Variants in LDHAL6A observed in about 807,000 individuals in gnomAD.
LDHAL6A encodes L-lactate dehydrogenase A-like 6A.
LDHAL6A carries 19 observed loss-of-function variants against 28.2 expected under a neutral mutation model. The ratio of observed to expected loss-of-function variants is 0.67; its 90% CI spans 0.47 to 0.99. The LOEUF is 0.99. Ranked by LOEUF, LDHAL6A falls within the 50% of genes least tolerant of loss-of-function variation. The pLI is 0.00. For missense variants in LDHAL6A, 372 were observed against 398.6 expected (o/e 0.93, Z 0.57); for synonymous variants, 144 against 134.4 (o/e 1.07, Z -0.49).
chr11:18,476,039 G>A (rs1436378440), intron 4 of LDHAL6A, among the ~76,000 whole-genome samples: 1 of 151,736 alleles, frequency 6.6e-6, no homozygotes, highest in African/African-American at 2.4e-5. Flanking sequence ...TGTGGTAATA[G>A]CAGTCTTTTT....
intron 5 of LDHAL6A, among the ~76,000 whole-genome samples, chr11:18,476,933 A>T (rs1459434699): frequency 6.6e-6 from 1 of 151,394 alleles, no homozygotes; most frequent in East Asian, 2.0e-4. Flanking sequence ...TGAGCCCAGG[A>T]GTATGACACC....
intron 3 of LDHAL6A, among the ~76,000 whole-genome samples, chr11:18,467,289 A>C (rs1383844456): frequency 1.3e-5 from 2 of 152,230 alleles, no homozygotes; most frequent in African/African-American, 4.8e-5. Flanking sequence ...ACATGGCTCC[A>C]ACATCAATTC....
At chr11:18,470,388 C>T (rs1849228873) in intron 3 of LDHAL6A, among the ~76,000 whole-genome samples, 1 of 152,110 alleles carries the variant, frequency 6.6e-6, no homozygotes. Context: ...TTTGGTGGTT[C>T]TGTAGTAAAG....
intron 6 of LDHAL6A, 109 bp downstream of exon 6, chr11:18,477,852 T>C: frequency 2.1e-6 from 2 of 973,362 alleles, no homozygotes; most frequent in Non-Finnish European, 3.0e-6. Flanking sequence ...AGCACCTCTC[T>C]TCCTGAAGTC....
chr11:18,463,947 A>G lies in LDHAL6A; in HGVS notation c.127-14A>G. The G allele has an allele frequency of 6.4e-7, 1 of 1,562,924 alleles. No individual in the cohort carries two copies. The highest frequency in any genetic ancestry group is 1.1e-5 in the South Asian group (1 of 89,784). ...AGATACACTCACACCCATTGGACTA[A>G]CAATGTTTTTCAGGGTTTGAGTGAT... On this transcript the variant is annotated splice_polypyrimidine_tract_variant and intron_variant, in intron 1 of 6. Coordinates refer to ENST00000280706, the MANE Select transcript of LDHAL6A (RefSeq NM_144972.5).
At chr11:18,466,202 A>T (rs1260585470) in intron 3 of LDHAL6A, among the ~76,000 whole-genome samples, 2 of 152,070 alleles carry the variant, frequency 1.3e-5, no homozygotes, top group Non-Finnish European at 2.9e-5. Flanking sequence ...TCAGTGAAGG[A>T]GTTTTTGGGG....
At chr11:18,467,156 A>G (rs1849094825) in intron 3 of LDHAL6A, among the ~76,000 whole-genome samples, 1 of 152,236 alleles carries the variant, frequency 6.6e-6, no homozygotes, top group African/African-American at 2.4e-5. Flanking sequence ...ACTGTATTCT[A>G]AAATTATTTG....
chr11:18,466,826 G>C (rs1281129723), intron 3 of LDHAL6A, among the ~76,000 whole-genome samples: 1 of 152,158 alleles, frequency 6.6e-6, no homozygotes, highest in Non-Finnish European at 1.5e-5. Context: ...CTCCTCACTG[G>C]TGCATTTACA....
chr11:18,459,323 C>T (rs970112191), intron 1 of LDHAL6A, among the ~76,000 whole-genome samples: 16 of 152,144 alleles, frequency 1.1e-4, no homozygotes, highest in African/African-American at 3.9e-4. Flanking sequence ...TGGATGCTTC[C>T]TGCCCTCAAA....
chr11:18,463,128 ATGTT>A (rs747709154), intron 1 of LDHAL6A, among the ~76,000 whole-genome samples: 2 of 152,096 alleles, frequency 1.3e-5, no homozygotes, highest in Admixed American at 6.6e-5. Context: ...TGTGGTTTGA[ATGTT>A]TGTCCCCTCT....
chr11:18,463,896 T>A, intron 1 of LDHAL6A, 65 bp from the exon 2 acceptor site: 1 of 990,954 alleles, frequency 1.0e-6, no homozygotes, highest in Non-Finnish European at 1.6e-6. Flanking sequence ...ATATAAGAAT[T>A]TTCTTTCATT....
intron 3 of LDHAL6A, among the ~76,000 whole-genome samples, chr11:18,467,716 G>A (rs1483312686): frequency 6.6e-6 from 1 of 150,578 alleles, no homozygotes; most frequent in East Asian, 1.9e-4. Flanking sequence ...AAATTAGCTG[G>A]GCATGGTGGT....
At chr11:18,462,193 A>C (rs1374684912) in intron 1 of LDHAL6A, among the ~76,000 whole-genome samples, 1 of 151,968 alleles carries the variant, frequency 6.6e-6, no homozygotes, top group Non-Finnish European at 1.5e-5. Context: ...AGTAAAAGTA[A>C]AATTCAGAAA....
At chr11:18,467,336 G>A (rs890349013) in intron 3 of LDHAL6A, among the ~76,000 whole-genome samples, 1 of 152,152 alleles carries the variant, frequency 6.6e-6, no homozygotes, top group Non-Finnish European at 1.5e-5. Context: ...TCCAGCTTCT[G>A]TCCCTGTGCC....
intron 3 of LDHAL6A, chr11:18,468,336 T>G (rs1189738716): frequency 9.0e-6 from 1 of 110,520 alleles, no homozygotes. Flanking sequence ...GATGTATAGG[T>G]TTTTTTTTTT....
At chr11:18,466,211 G>C (rs897526749) in intron 3 of LDHAL6A, among the ~76,000 whole-genome samples, 2 of 152,048 alleles carry the variant, frequency 1.3e-5, no homozygotes, top group East Asian at 1.9e-4. Context: ...GAGTTTTTGG[G>C]GGTGGGTTTA....
intron 2 of LDHAL6A, among the ~76,000 whole-genome samples, chr11:18,464,977 G>GTTTTTTTGTTTTTTTTTTTTT (rs1565068683): frequency 1.6e-4 from 20 of 125,558 alleles, no homozygotes; most frequent in Admixed American, 7.5e-4. Context: ...TGTTTTTTTT[G>GTTTTTTTGTTTTTTTTTTTTT]TTTTTTTTTG....
Position 18,479,023 on chromosome 11 carries a change from C to CT in LDHAL6A, c.*159dup, listed in dbSNP as rs1298505715. 4 of 578,132 alleles carry CT rather than the reference C, an allele frequency of 6.9e-6. No homozygotes were observed. Among genetic ancestry groups the CT allele is most frequent in the Admixed American group, 3.5e-5 (1 of 28,618 alleles). The allele number at this position is 578,132 out of a possible 1,614,324, so 35.8% of individuals were successfully genotyped here. ...ATAGCCTTCCAGCTTTTTTTTTTTT[C>CT]TTTTTTGGGAGGGTCTCATTCTGTC... On this transcript the variant is annotated 3_prime_UTR_variant, in exon 7 of 7. Transcript: ENST00000280706.
chr11:18,478,856 G>A lies in LDHAL6A; in HGVS notation c.985G>A (p.Glu329Lys). The A allele has an allele frequency of 6.2e-7, 1 of 1,611,624 alleles. No individual in the cohort carries two copies. Among genetic ancestry groups the A allele is most frequent in the Non-Finnish European group, 8.5e-7 (1 of 1,179,478 alleles). The change falls in exon 7 of 7, where the codon GAG (glutamate) becomes AAG (lysine). Residue 329 changes from glutamate (E) to lysine (K), a missense_variant. By Grantham distance (56) the Glu-to-Lys change is moderately conservative. Around this residue, in one of 3 missense-constraint regions of LDHAL6A, gnomAD observed 291 missense variants for 302.9 expected, o/e 0.96. Transcript: ENST00000280706. Reference protein sequence around the residue: ...SAETLWEIQKELKL With the variant: ...SAETLWEIQKKLKL ...AGAAACACTTTGGGAAATTCAGAAGGAGCTCAAGCTTTAAAGTTGCTTAAA... is the reference window on the plus strand; with the variant it reads ...AGAAACACTTTGGGAAATTCAGAAGAAGCTCAAGCTTTAAAGTTGCTTAAA...
Sources: allele counts gnomAD v4.1 joint callset (sites outside exome capture counted in the v4.1 genomes callset), GRCh38; gene constraint gnomAD v4.1.1; regional missense constraint gnomAD v4.1.1; transcripts MANE v1.5; gene names NCBI Gene and HGNC (gene_info 2026-07-23, HGNC 2026-07-21).